RNF213: variants seen among roughly 807,000 people sequenced by gnomAD.
The protein encoded by RNF213 is E3 ubiquitin-protein ligase RNF213.
Under a neutral mutation model 514.4 loss-of-function variants are expected in RNF213, and 341 were observed. The ratio of observed to expected loss-of-function variants is 0.66; its 90% confidence interval spans 0.61 to 0.73. RNF213 has a LOEUF of 0.73. RNF213 is among the 30% of genes least tolerant of loss of function. The pLI, the probability that RNF213 is intolerant of heterozygous loss-of-function variation, is 0.00. For synonymous variants in RNF213, 2,655 were observed against 2,658.2 expected (o/e 1.00, Z 0.04); for missense variants, 5,767 against 6,615.6 (o/e 0.87, Z 4.45).
chr17:80,264,804 A>G lies in RNF213; in HGVS notation c.97+1026A>G, dbSNP rs1029752787. ...CCTTACGGTGGCCACGAGGTCCTACATAGACGGCTGCCCACCCCATTCCTC... is the reference window on the plus strand; with the variant it reads ...CCTTACGGTGGCCACGAGGTCCTACGTAGACGGCTGCCCACCCCATTCCTC... On this transcript the variant is annotated intron_variant, in intron 2 of 67. Coordinates refer to ENST00000582970, the MANE Select transcript of RNF213 (RefSeq NM_001256071.3). The surrounding 1 kb of genome is among the most constrained non-coding windows in gnomAD (Gnocchi z 5.0). 6.6e-6 allele frequency among the ~76,000 whole-genome samples: 1 copy of G among 152,142 alleles called. No individual in the cohort carries two copies. The highest frequency in any genetic ancestry group is 6.6e-5 in the Admixed American group (1 of 15,264).
Position 80,264,980 on chromosome 17 carries a change from C to T in RNF213, c.97+1202C>T, listed in dbSNP as rs1036694253. Among the ~76,000 whole-genome samples the T allele has an allele frequency of 6.6e-6, 1 of 151,784 alleles. No individual in the cohort carries two copies. The highest frequency in any genetic ancestry group is 1.5e-5 in the Non-Finnish European group (1 of 67,964). ...CTCTTTCAGTCTTTGCCCAGCTGCT[C>T]GCCATGGGGTCTCTCCGATGTTGTC... On this transcript the variant is annotated intron_variant, in intron 2 of 67. Transcript: ENST00000582970. The surrounding 1 kb of genome is among the most constrained non-coding windows in gnomAD (Gnocchi z 5.0).
rs753219278 is a variant in RNF213, at chr17:80,344,916, C to T, written c.6581C>T (p.Pro2194Leu). The T allele has an allele frequency of 9.3e-6, 15 of 1,614,032 alleles. No homozygotes were observed. The highest frequency in any genetic ancestry group is 1.6e-4 in the Middle Eastern group (1 of 6,084). Reference sequence around the variant, plus strand: ...CAAGAAGGCTCTGTCGAAGGCACCCCGGAGGAATGCCTCCAGCATTTCCTG... The same window carrying T: ...CAAGAAGGCTCTGTCGAAGGCACCCTGGAGGAATGCCTCCAGCATTTCCTG... Reference protein sequence around the residue: ...QYQEGSVEGTPEECLQHFLFH... With the variant: ...QYQEGSVEGTLEECLQHFLFH... The change falls in exon 29 of 68, where the codon CCG becomes CTG. Residue 2194 changes from proline to leucine, a missense_variant. Pro to Leu is a moderately conservative substitution (Grantham distance 98). This residue lies in a region of RNF213 where 1,377 missense variants were observed against 1,635.2 expected (regional missense o/e 0.84). Coordinates refer to ENST00000582970, the MANE Select transcript of RNF213 (RefSeq NM_001256071.3).
In RNF213 at chr17:80,361,719, G is replaced by C; in HGVS notation, c.11201-15G>C. 1 of 1,612,286 alleles carries C rather than the reference G, an allele frequency of 6.2e-7. No individual in the cohort carries two copies. The highest frequency in any genetic ancestry group is 8.5e-7 in the Non-Finnish European group (1 of 1,179,122). ...TAGACGCACTCCAGGCCGCTCCTTGGTTTCCTCTCTGCAGGACTGCCCAAG... is the reference window on the plus strand; with the variant it reads ...TAGACGCACTCCAGGCCGCTCCTTGCTTTCCTCTCTGCAGGACTGCCCAAG... On this transcript the variant is annotated splice_polypyrimidine_tract_variant and intron_variant, in intron 38 of 67. Transcript: ENST00000582970.
At chr17:80,313,783 T>G (rs111171106) in intron 15 of RNF213, among the ~76,000 whole-genome samples, 1 of 130,170 alleles carries the variant, frequency 7.7e-6, no homozygotes, top group African/African-American at 2.8e-5. Flanking sequence ...GAGGTGATGG[T>G]GGTGGTGAAG....
Position 80,371,962 on chromosome 17 carries a change from A to G in RNF213, c.12514A>G (p.Met4172Val), listed in dbSNP as rs777991268. The G allele has an allele frequency of 2.6e-5, 42 of 1,589,194 alleles. No individual in the cohort carries two copies. The highest frequency in any genetic ancestry group is 3.4e-5 in the Non-Finnish European group (39 of 1,157,426). ...FITEDKTELY[M>V]LFINCLEDSI... Reference sequence around the variant, plus strand: ...AACTGAAGATAAAACTGAACTGTACATGCTCTTCATCAACTGCCTGGAGGT... The same window carrying G: ...AACTGAAGATAAAACTGAACTGTACGTGCTCTTCATCAACTGCCTGGAGGT... The change falls in exon 47 of 68, where the codon ATG (methionine) becomes GTG (valine). Residue 4172 changes from methionine to valine, a missense_variant. Coordinates refer to ENST00000582970, the MANE Select transcript of RNF213 (RefSeq NM_001256071.3).
chr17:80,336,293 C>T lies in RNF213; in HGVS notation c.4442C>T (p.Pro1481Leu). The change falls in exon 23 of 68, where the codon CCC (proline) becomes CTC (leucine). Residue 1481 changes from proline to leucine, a missense_variant. By Grantham distance (98) the Pro-to-Leu change is moderately conservative. This residue lies in a region of RNF213 where 1,377 missense variants were observed against 1,635.2 expected (regional missense o/e 0.84). Coordinates refer to ENST00000582970, the MANE Select transcript of RNF213 (RefSeq NM_001256071.3). ...GYASLLFKLD[P>L]SVDFSAFMKH... ...GCATCCCTGCTATTTAAGCTGGACC[C>T]CAGCGTGGACTTCAGTGCATTCATG... 2.0e-6 allele frequency: 3 copies of T among 1,537,204 alleles called. No individual in the cohort carries two copies. Among genetic ancestry groups the T allele is most frequent in the South Asian group, 1.2e-5 (1 of 84,056 alleles).
Position 80,276,204 on chromosome 17 carries a change from G to A in RNF213, c.261+2800G>A, listed in dbSNP as rs1368289972. Among the ~76,000 whole-genome samples the A allele has an allele frequency of 4.0e-5, 6 of 151,866 alleles. No homozygotes were observed. In the East Asian group the frequency reaches 1.2e-3, roughly 29 times the overall value. On this transcript the variant is annotated intron_variant, in intron 3 of 67. Transcript: ENST00000582970. Reference sequence around the variant, plus strand: ...CAACCTCCACCTCCCGGGTTCAAGCGATTCTCCTGCCTCAGCCTCCCAGCT... The same window carrying A: ...CAACCTCCACCTCCCGGGTTCAAGCAATTCTCCTGCCTCAGCCTCCCAGCT...
In RNF213 at chr17:80,332,349, T is replaced by G; in HGVS notation, c.3861T>G (p.Ile1287Met). 1 of 1,537,162 alleles carries G rather than the reference T, an allele frequency of 6.5e-7. No individual in the cohort carries two copies. The highest frequency in any genetic ancestry group is 8.7e-7 in the Non-Finnish European group (1 of 1,146,920). ...ATCAGCCTTCTTACAGAAAGTTCATTAAGTTGCACCAGGATCTAAAGTCAG... is the reference window on the plus strand; with the variant it reads ...ATCAGCCTTCTTACAGAAAGTTCATGAAGTTGCACCAGGATCTAAAGTCAG... The part of the protein sequence containing the change: ...YLYQPSYRKF[I>M]KLHQDLKSGE... The change falls in exon 21 of 68, where the codon ATT becomes ATG. Residue 1287 changes from isoleucine to methionine, a missense_variant. Ile to Met is a conservative substitution (Grantham distance 10). Around this residue, in one of 13 missense-constraint regions of RNF213, gnomAD observed 516 missense variants for 566.5 expected, o/e 0.91. Coordinates refer to ENST00000582970, the MANE Select transcript of RNF213 (RefSeq NM_001256071.3).
chr17:80,386,852 C>G lies in RNF213; in HGVS notation c.14883C>G (p.Val4961=), dbSNP rs2080256345. ...FDLEKIQRQI[V]SRFLQGKPRL... is the part of the protein sequence containing the mutation. ...TGGAGAAGATTCAGCGGCAGATCGT[C>G]AGCCGCTTCCTCCAGGGCAAGCCCC... The change falls in exon 63 of 68, where the codon GTC becomes GTG. Residue 4961 remains valine (V), a synonymous_variant. Transcript: ENST00000582970. 6.2e-7 allele frequency: 1 copy of G among 1,613,906 alleles called. No individual in the cohort carries two copies. Among genetic ancestry groups the G allele is most frequent in the Admixed American group, 1.7e-5 (1 of 60,016 alleles).
In RNF213 at chr17:80,289,804, A is replaced by G. The variant is rs761479483; in HGVS notation, c.1079A>G (p.Asn360Ser). The G allele has an allele frequency of 1.9e-6, 3 of 1,612,528 alleles. No individual in the cohort carries two copies. The African/African-American group carries it at 4.0e-5, about 22-fold the overall frequency. ...AAVKNEKEQK[N>S]QEADVQEVKA... Reference sequence around the variant, plus strand: ...GTGAAAAACGAGAAGGAGCAAAAAAACCAGGAAGCAGATGTCCAGGAAGTG... The same window carrying G: ...GTGAAAAACGAGAAGGAGCAAAAAAGCCAGGAAGCAGATGTCCAGGAAGTG... Residue 360 changes from asparagine (N) to serine (S), a missense_variant, in exon 6 of 68, where the codon AAC (asparagine) becomes AGC (serine). This residue lies in a region of RNF213 where 509 missense variants were observed against 496.7 expected (regional missense o/e 1.02). Coordinates refer to ENST00000582970, the MANE Select transcript of RNF213 (RefSeq NM_001256071.3).
chr17:80,392,400 G>T (rs780420964), intron 67 of RNF213, among the ~76,000 whole-genome samples: 1 of 152,156 alleles, frequency 6.6e-6, no homozygotes, highest in African/African-American at 2.4e-5. Context: ...CCTTGTTTAT[G>T]CAACCCTGTA....
chr17:80,312,991 C>T, intron 14 of RNF213, 21 bp from the exon 15 acceptor site: 1 of 1,613,530 alleles, frequency 6.2e-7, no homozygotes, highest in South Asian at 1.1e-5. Context: ...ATGACTGACC[C>T]TCCCTCTTGT....
At position 80,289,624 on chromosome 17, in the gene RNF213, G is replaced by A. The variant is rs758897646; in HGVS notation, c.934-35G>A. 7.5e-6 allele frequency: 12 copies of A among 1,599,752 alleles called. No homozygotes were observed. In the African/African-American group the frequency reaches 1.2e-4, roughly 16 times the overall value. ...AAAAAAAAAAGAAAATGTGGAGGCC[G>A]GCCTTCAAGGTCAGGGTTTGGTTCC... On this transcript the variant is annotated intron_variant, in intron 5 of 67. Transcript: ENST00000582970.
At chr17:80,376,247 C>A in intron 51 of RNF213, 54 bp from the exon 52 acceptor site, 5 of 1,597,380 alleles carry the variant, frequency 3.1e-6, no homozygotes. Context: ...TGTCTAAGAG[C>A]AATTCACACA....
intron 40 of RNF213, 53 bp from the exon 41 acceptor site, chr17:80,363,556 T>C (rs2079133789): frequency 3.8e-6 from 6 of 1,598,690 alleles, no homozygotes; most frequent in Non-Finnish European, 5.1e-6. Flanking sequence ...GGGCCTCTGG[T>C]GGGCCGGTGG....
rs1223975592 is a variant in RNF213 at position 80,376,489 on chromosome 17, G to A, written c.13374G>A (p.Gln4458=). 11 of 1,614,056 alleles carry A rather than the reference G, an allele frequency of 6.8e-6. No homozygotes were observed. Among genetic ancestry groups the A allele is most frequent in the Middle Eastern group, 1.6e-4 (1 of 6,084 alleles). The change falls in exon 52 of 68, where the codon CAG becomes CAA. Residue 4458 remains glutamine (Q), a synonymous_variant. Coordinates refer to ENST00000582970, the MANE Select transcript of RNF213 (RefSeq NM_001256071.3). The part of the protein sequence containing the change: ...IHAAAVLLCG[Q]NELLEPLKNL... ...CTGCAGCCGTCCTTCTGTGTGGACAGAATGAACTCTTGGAGCCCCTAAAGA... is the reference window on the plus strand; with the variant it reads ...CTGCAGCCGTCCTTCTGTGTGGACAAAATGAACTCTTGGAGCCCCTAAAGA...
At chr17:80,283,467 G>A (rs575710441) in intron 3 of RNF213, among the ~76,000 whole-genome samples, 4 of 152,340 alleles carry the variant, frequency 2.6e-5, no homozygotes, top group Admixed American at 6.5e-5. Context: ...TTGCGTCTGC[G>A]CTTACTGCAG....
At chr17:80,285,210 A>G (rs1360719891) in intron 3 of RNF213, among the ~76,000 whole-genome samples, 2 of 152,184 alleles carry the variant, frequency 1.3e-5, no homozygotes, top group Non-Finnish European at 1.5e-5. Context: ...TGATGCTCTG[A>G]TGTGGACACA....
chr17:80,347,910 G>C lies in RNF213; in HGVS notation c.9575G>C (p.Cys3192Ser), dbSNP rs555499872. The C allele has an allele frequency of 6.2e-7, 1 of 1,614,232 alleles. No individual in the cohort carries two copies. The highest frequency in any genetic ancestry group is 1.1e-5 in the South Asian group (1 of 91,086). ...KWQKSIVEELCAWVEKFINVK... is the reference protein window; with the variant it reads ...KWQKSIVEELSAWVEKFINVK... ...CAGAAGAGCATCGTGGAGGAGCTCT[G>C]TGCGTGGGTGGAGAAGTTCATCAAT... The change falls in exon 29 of 68, where the codon TGT becomes TCT. Residue 3192 changes from cysteine to serine, a missense_variant. By Grantham distance (112) the Cys-to-Ser change is moderately radical (BLOSUM62 -1). Around this residue, in one of 13 missense-constraint regions of RNF213, gnomAD observed 919 missense variants for 1,121.0 expected, o/e 0.82. Transcript: ENST00000582970. This position sits in a 1 kb window ranked among gnomAD's most constrained non-coding sequence, Gnocchi z 7.2.
Sources: allele counts gnomAD v4.1 joint callset (sites outside exome capture counted in the v4.1 genomes callset), GRCh38; gene constraint gnomAD v4.1.1; regional missense constraint gnomAD v4.1.1; non-coding constraint Gnocchi (gnomAD v3.1); transcripts MANE v1.5; gene names NCBI Gene and HGNC (gene_info 2026-07-23, HGNC 2026-07-21).